The following NRXN3 variants were observed in gnomAD, a reference collection of about 807,000 sequenced individuals.
The protein encoded by NRXN3 is neurexin 3, also known as neurexin III.
NRXN3 carries 32 observed loss-of-function variants against 137.6 expected under a neutral mutation model. The observed-to-expected ratio is 0.23, with a 90% CI of 0.18 to 0.31. The LOEUF (loss-of-function observed/expected upper bound fraction) is 0.31. NRXN3 is among the 10% of genes least tolerant of loss of function. The pLI is 1.00. For missense variants in NRXN3, 1,574 were observed against 2,062.5 expected (o/e 0.76, Z 4.59); for synonymous variants, 798 against 784.5 (o/e 1.02, Z -0.29).
At chr14:78,997,395 T>G (rs2099532169) in intron 15 of NRXN3, among the ~76,000 whole-genome samples, 1 of 152,194 alleles carries the variant, frequency 6.6e-6, no homozygotes, top group Admixed American at 6.5e-5. Flanking sequence ...AGTTACTTAC[T>G]TAAGGTGACG....
At chr14:78,788,242 T>G (rs188420254) in intron 8 of NRXN3, among the ~76,000 whole-genome samples, 1 of 144,216 alleles carries the variant, frequency 6.9e-6, no homozygotes, top group African/African-American at 2.6e-5. Flanking sequence ...TTCAAACACA[T>G]ATGTACATGC....
chr14:78,696,992 C>T (rs1347504421), intron 6 of NRXN3, among the ~76,000 whole-genome samples: 1 of 152,058 alleles, frequency 6.6e-6, no homozygotes, highest in African/African-American at 2.4e-5. Context: ...GTTCCCAGTT[C>T]CCACACCCGT....
intron 16 of NRXN3, among the ~76,000 whole-genome samples, chr14:79,615,360 A>C (rs1229936716): frequency 6.6e-6 from 1 of 152,184 alleles, no homozygotes; most frequent in Non-Finnish European, 1.5e-5. Context: ...AAAAAATAAC[A>C]CTTGAGTTGG....
At chr14:79,704,117 T>C (rs2098766513) in intron 19 of NRXN3, among the ~76,000 whole-genome samples, 1 of 152,154 alleles carries the variant, frequency 6.6e-6, no homozygotes, top group South Asian at 2.1e-4. Flanking sequence ...GGAGTGGGAA[T>C]TGGCTTTGCT....
At chr14:79,848,799 T>C (rs1275669121) in intron 20 of NRXN3, among the ~76,000 whole-genome samples, 1 of 152,130 alleles carries the variant, frequency 6.6e-6, no homozygotes, top group Non-Finnish European at 1.5e-5. Context: ...GCCTCTTGAC[T>C]TTAAATGGCA....
At chr14:78,230,221 C>A (rs1360032700) in intron 1 of NRXN3, among the ~76,000 whole-genome samples, 3 of 151,956 alleles carry the variant, frequency 2.0e-5, no homozygotes, top group Non-Finnish European at 4.4e-5. Flanking sequence ...GACAAGGTTT[C>A]ACCATGTTGT....
chr14:79,266,103 T>A (rs1396127647), intron 15 of NRXN3, among the ~76,000 whole-genome samples: 1 of 152,152 alleles, frequency 6.6e-6, no homozygotes, highest in Admixed American at 6.6e-5. Context: ...TGGGAATCTA[T>A]AGGAGAGAGT....
chr14:79,620,004 C>G (rs747665812), intron 16 of NRXN3, among the ~76,000 whole-genome samples: 5 of 151,982 alleles, frequency 3.3e-5, no homozygotes, highest in African/African-American at 4.8e-5. Flanking sequence ...AAGTTATTGT[C>G]TTAAATATTC....
chr14:79,744,467 A>G (rs1406711966), intron 19 of NRXN3, among the ~76,000 whole-genome samples: 2 of 152,222 alleles, frequency 1.3e-5, no homozygotes, highest in Non-Finnish European at 2.9e-5. Context: ...TCCCACTGAC[A>G]TCTAAAGTAG....
chr14:78,247,992 G>C (rs947282720), intron 2 of NRXN3, among the ~76,000 whole-genome samples: 6 of 151,972 alleles, frequency 3.9e-5, no homozygotes, highest in Admixed American at 2.6e-4. Flanking sequence ...AGCTTTCATG[G>C]GTGGATCTCT....
chr14:78,440,744 G>C (rs2094217121), intron 4 of NRXN3, among the ~76,000 whole-genome samples: 1 of 152,152 alleles, frequency 6.6e-6, no homozygotes, highest in Admixed American at 6.6e-5. Flanking sequence ...GAGAGAGCCA[G>C]GAGGAGGTGA....
intron 17 of NRXN3, among the ~76,000 whole-genome samples, chr14:79,666,154 CTGA>C (rs1204362652): frequency 6.6e-6 from 1 of 152,118 alleles, no homozygotes; most frequent in Admixed American, 6.6e-5. Context: ...TTTTTCTCCT[CTGA>C]TGATTTCTGT....
At chr14:79,723,329 T>C (rs1054944929) in intron 19 of NRXN3, among the ~76,000 whole-genome samples, 2 of 152,054 alleles carry the variant, frequency 1.3e-5, no homozygotes, top group Admixed American at 1.3e-4. Flanking sequence ...AAACAAACTT[T>C]TCCTTTTACA....
intron 4 of NRXN3, among the ~76,000 whole-genome samples, chr14:78,314,915 C>CT (rs1186009158): frequency 8.9e-6 from 1 of 112,818 alleles, no homozygotes; most frequent in African/African-American, 4.5e-5. Flanking sequence ...TTCTTTCTTT[C>CT]TTTCTTTCTT....
At chr14:78,987,056 A>AGAATACCT (rs2099508383) in intron 14 of NRXN3, among the ~76,000 whole-genome samples, 1 of 145,162 alleles carries the variant, frequency 6.9e-6, no homozygotes, top group South Asian at 2.2e-4. Context: ...ATTCATTTTT[A>AGAATACCT]GAATACCTAG....
chr14:78,590,244 T>G (rs563918985), intron 4 of NRXN3, among the ~76,000 whole-genome samples: 117 of 152,312 alleles, frequency 7.7e-4, no homozygotes, highest in African/African-American at 2.7e-3. Context: ...CTCCCAAGCA[T>G]GGGGCCTGTA....
chr14:78,875,958 A>T (rs1405192389), intron 10 of NRXN3, among the ~76,000 whole-genome samples: 1 of 152,188 alleles, frequency 6.6e-6, no homozygotes, highest in Non-Finnish European at 1.5e-5. Context: ...TAGGCAGAGG[A>T]CAAGTAACTC....
At chr14:78,721,698 A>G (rs1244491048) in intron 8 of NRXN3, among the ~76,000 whole-genome samples, 1 of 152,152 alleles carries the variant, frequency 6.6e-6, no homozygotes, top group Non-Finnish European at 1.5e-5. Flanking sequence ...GGATTAACGA[A>G]TCGAACCTTA....
chr14:79,020,718 T>C (rs1309102692), intron 15 of NRXN3, among the ~76,000 whole-genome samples: 1 of 152,090 alleles, frequency 6.6e-6, no homozygotes, highest in Non-Finnish European at 1.5e-5. Flanking sequence ...TTTGTTCTCT[T>C]TGATCTTGGG....
Sources: allele counts gnomAD v4.1 joint callset (sites outside exome capture counted in the v4.1 genomes callset), GRCh38; gene constraint gnomAD v4.1.1; transcripts MANE v1.5; gene names NCBI Gene and HGNC (gene_info 2026-07-23, HGNC 2026-07-21).